Variants in ZNF462 observed in about 807,000 individuals in gnomAD.
The protein encoded by ZNF462 is zinc finger protein 462.
In ZNF462, 10 loss-of-function variants were observed where a neutral mutation model predicts 201.9. That is an observed-to-expected ratio of 0.05 (90% CI 0.03 to 0.08). ZNF462 has a LOEUF of 0.08. Among genes scored for constraint, ZNF462 ranks in the 10% least tolerant of loss-of-function variants. ZNF462 has a pLI of 1.00. For missense variants in ZNF462, 2,523 were observed against 3,168.3 expected, an observed-to-expected ratio of 0.80 and a Z score of 4.89; for synonymous variants, 1,227 against 1,193.3, an observed-to-expected ratio of 1.03 and a Z score of -0.58.
intron 1 of ZNF462, among the ~76,000 whole-genome samples, chr9:106,868,644 T>C (rs1440372071): frequency 6.6e-6 from 1 of 152,182 alleles, no homozygotes; most frequent in African/African-American, 2.4e-5. Context: ...CTCCTTCCAC[T>C]TGCATTATAC....
Position 106,885,746 on chromosome 9 carries a change from A to G in ZNF462, c.-31+22391A>G, listed in dbSNP as rs1335162736. On this transcript the variant is annotated intron_variant, in intron 1 of 12. Coordinates refer to ENST00000277225, the MANE Select transcript of ZNF462 (RefSeq NM_021224.6). This position sits in a 1 kb window ranked among gnomAD's most constrained non-coding sequence, Gnocchi z 4.1. ...CGTATGGTGCAGAGCTCATGCTACC[A>G]TCAAGACTTTAGAACAAGGACAACT... 3.3e-5 allele frequency among the ~76,000 whole-genome samples: 5 copies of G among 152,198 alleles called. No individual in the cohort carries two copies. Among genetic ancestry groups the G allele is most frequent in the African/African-American group, 1.2e-4 (5 of 41,456 alleles).
chr9:106,922,508 G>A (rs767930627), intron 1 of ZNF462, among the ~76,000 whole-genome samples: 3 of 152,168 alleles, frequency 2.0e-5, no homozygotes, highest in Non-Finnish European at 2.9e-5. Context: ...GTGGAAAAAG[G>A]TAAAGTCATG....
At chr9:106,937,015 T>TG (rs1830659559) in intron 6 of ZNF462, among the ~76,000 whole-genome samples, 1 of 152,182 alleles carries the variant, frequency 6.6e-6, no homozygotes, top group African/African-American at 2.4e-5. Context: ...AGTGACTGAG[T>TG]GGGGCTTGGC....
Position 106,924,331 on chromosome 9 carries a change from C to T in ZNF462, c.419C>T (p.Ser140Leu), listed in dbSNP as rs1830101181. Residue 140 changes from serine to leucine, a missense_variant, in exon 3 of 13, where the codon TCA becomes TTA. Ser to Leu is a moderately radical substitution (Grantham distance 145). Coordinates refer to ENST00000277225, the MANE Select transcript of ZNF462 (RefSeq NM_021224.6). The surrounding 1 kb of genome is among the most constrained non-coding windows in gnomAD (Gnocchi z 6.2). ...GGAGCTCAAGCTGAAGGGAGTTCATCAGGACCCCCTGTCCCGGGATCCTTA... is the reference window on the plus strand; with the variant it reads ...GGAGCTCAAGCTGAAGGGAGTTCATTAGGACCCCCTGTCCCGGGATCCTTA... ...VHGAQAEGSS[S>L]GPPVPGSLNY... The T allele has an allele frequency of 1.2e-6, 2 of 1,614,160 alleles. No individual in the cohort carries two copies. Among genetic ancestry groups the T allele is most frequent in the Non-Finnish European group, 1.7e-6 (2 of 1,180,040 alleles).
chr9:106,915,369 G>C (rs1225591222), intron 1 of ZNF462, among the ~76,000 whole-genome samples: 4 of 152,170 alleles, frequency 2.6e-5, no homozygotes, highest in Non-Finnish European at 4.4e-5. Context: ...GTCTACTGTT[G>C]TGTTGGTGGA....
chr9:106,951,824 C>T (rs1331867320), intron 7 of ZNF462, among the ~76,000 whole-genome samples: 1 of 151,950 alleles, frequency 6.6e-6, no homozygotes, highest in African/African-American at 2.4e-5. Context: ...TCCATGGAAC[C>T]TCTTCTCCAA....
chr9:106,861,452 G>T (rs1295541178), upstream of ZNF462, among the ~76,000 whole-genome samples: 4 of 152,168 alleles, frequency 2.6e-5, no homozygotes, highest in Admixed American at 2.6e-4. Flanking sequence ...GCCTTCACCG[G>T]ATGCGCGCTC....
rs1403670134 is a variant in ZNF462 at position 106,870,529 on chromosome 9, A to G, written c.-31+7174A>G. 2.6e-5 allele frequency among the ~76,000 whole-genome samples: 4 copies of G among 152,218 alleles called. No homozygotes were observed. The highest frequency in any genetic ancestry group is 4.4e-5 in the Non-Finnish European group (3 of 68,042). On this transcript the variant is annotated intron_variant, in intron 1 of 12. Coordinates refer to ENST00000277225, the MANE Select transcript of ZNF462 (RefSeq NM_021224.6). This position sits in a 1 kb window ranked among gnomAD's most constrained non-coding sequence, Gnocchi z 4.3. ...CAAAAAATAAATACTTGAAGATGAG[A>G]ACTGTGTAATTCAGGAAGTTATTTG... is the stretch of plus-strand genomic sequence containing the variant.
chr9:106,885,110 C>G lies in ZNF462; in HGVS notation c.-31+21755C>G, dbSNP rs1828262658. On this transcript the variant is annotated intron_variant, in intron 1 of 12. Transcript: ENST00000277225. This position sits in a 1 kb window ranked among gnomAD's most constrained non-coding sequence, Gnocchi z 4.1. Reference sequence around the variant, plus strand: ...AATAAAAAGGAAAATGGCCCTGTTGCAAAATTTGGCAGGTCAGACACTTCA... The same window carrying G: ...AATAAAAAGGAAAATGGCCCTGTTGGAAAATTTGGCAGGTCAGACACTTCA... Among the ~76,000 whole-genome samples the G allele has an allele frequency of 6.6e-6, 1 of 152,140 alleles. No individual in the cohort carries two copies. Among genetic ancestry groups the G allele is most frequent in the Non-Finnish European group, 1.5e-5 (1 of 68,020 alleles).
intron 1 of ZNF462, among the ~76,000 whole-genome samples, chr9:106,884,081 G>C (rs1828216159): frequency 6.6e-6 from 1 of 152,214 alleles, no homozygotes; most frequent in Non-Finnish European, 1.5e-5. Flanking sequence ...ATGCAGCAGT[G>C]ATTCCTAAAC....
intron 7 of ZNF462, among the ~76,000 whole-genome samples, chr9:106,943,127 CAG>C (rs1423670739): frequency 6.7e-6 from 1 of 148,792 alleles, no homozygotes; most frequent in African/African-American, 2.5e-5. Context: ...CCAGAGAAAA[CAG>C]AAAGAACACT....
Position 107,013,258 on chromosome 9 carries a change from G to A in ZNF462, c.*2228G>A, listed in dbSNP as rs1031057972. 4 of 152,044 alleles carry A rather than the reference G, an allele frequency of 2.6e-5. No homozygotes were observed. Among genetic ancestry groups the A allele is most frequent in the African/African-American group, 9.7e-5 (4 of 41,426 alleles). 9.4% of individuals were successfully genotyped at this position (152,044 alleles called of 1,614,324 possible). On this transcript the variant is annotated 3_prime_UTR_variant, in exon 13 of 13. Coordinates refer to ENST00000277225, the MANE Select transcript of ZNF462 (RefSeq NM_021224.6). ...ATGGGACCATTATCCTTTTAACAAG[G>A]CTAGAATGTCATTTTTTTCTTTTTC...
intron 1 of ZNF462, among the ~76,000 whole-genome samples, chr9:106,887,527 G>A (rs531389986): frequency 6.6e-6 from 1 of 152,284 alleles, no homozygotes; most frequent in African/African-American, 2.4e-5. Context: ...AACCTTTGAG[G>A]TTATTTTTTT....
In ZNF462 at chr9:106,917,507, A is replaced by G. The variant is rs561581945; in HGVS notation, c.-30-5847A>G. Among the ~76,000 whole-genome samples the G allele has an allele frequency of 2.0e-5, 3 of 152,332 alleles. No homozygotes were observed. The highest frequency in any genetic ancestry group is 1.9e-4 in the East Asian group (1 of 5,188). On this transcript the variant is annotated intron_variant, in intron 1 of 12. Coordinates refer to ENST00000277225, the MANE Select transcript of ZNF462 (RefSeq NM_021224.6). This position sits in a 1 kb window ranked among gnomAD's most constrained non-coding sequence, Gnocchi z 4.5. ...CTTCATCTCATGGTATTTCCCTGCT[A>G]CTATTTAACTTCAGTCTCATATTGG...
At chr9:106,959,749 C>T (rs1346545310) in intron 7 of ZNF462, among the ~76,000 whole-genome samples, 1 of 151,946 alleles carries the variant, frequency 6.6e-6, no homozygotes, top group Non-Finnish European at 1.5e-5. Context: ...AGAGACTTTA[C>T]AAAAAACATC....
At chr9:106,918,029 C>G (rs1266558321) in intron 1 of ZNF462, among the ~76,000 whole-genome samples, 1 of 151,936 alleles carries the variant, frequency 6.6e-6, no homozygotes, top group African/African-American at 2.4e-5. Flanking sequence ...GTGCCCACCA[C>G]CACACCCGGC....
rs2132699931 is a variant in ZNF462, at chr9:107,005,977, A to C, written c.7189+2551A>C. On this transcript the variant is annotated intron_variant, in intron 11 of 12. Coordinates refer to ENST00000277225, the MANE Select transcript of ZNF462 (RefSeq NM_021224.6). This position sits in a 1 kb window ranked among gnomAD's most constrained non-coding sequence, Gnocchi z 4.4. ...TTATGTGTTCTTGGCACCTTTGTTG[A>C]AAACCGATGGACTGTGAATGTGTGG... Among the ~76,000 whole-genome samples, 1 of 152,260 alleles carries C rather than the reference A, an allele frequency of 6.6e-6. No individual in the cohort carries two copies. The highest frequency in any genetic ancestry group is 1.9e-4 in the East Asian group (1 of 5,182).
chr9:106,862,626 C>G (rs895350535), upstream of ZNF462, among the ~76,000 whole-genome samples: 1 of 152,122 alleles, frequency 6.6e-6, no homozygotes, highest in African/African-American at 2.4e-5. This position sits in a 1 kb window ranked among gnomAD's most constrained non-coding sequence, Gnocchi z 4.2. Context: ...CCGCCACCTC[C>G]TCCTCTTGCA....
rs775572112 is a variant in ZNF462, at chr9:106,929,215, A to C, written c.5303A>C (p.Lys1768Thr). The change falls in exon 3 of 13, where the codon AAG (lysine) becomes ACG (threonine). Residue 1768 changes from lysine to threonine, a missense_variant. By Grantham distance (78) the Lys-to-Thr change is moderately conservative. Around this residue, in one of 15 missense-constraint regions of ZNF462, gnomAD observed 207 missense variants for 231.6 expected, o/e 0.89. Coordinates refer to ENST00000277225, the MANE Select transcript of ZNF462 (RefSeq NM_021224.6). The surrounding 1 kb of genome is among the most constrained non-coding windows in gnomAD (Gnocchi z 8.7). ...EELRRAVEKK[K>T]CSLCSFQSFS... Reference sequence around the variant, plus strand: ...CTCCGGCGGGCAGTGGAGAAGAAAAAGTGCTCCTTGTGCTCTTTCCAGTCG... The same window carrying C: ...CTCCGGCGGGCAGTGGAGAAGAAAACGTGCTCCTTGTGCTCTTTCCAGTCG... 2 of 1,614,136 alleles carry C rather than the reference A, an allele frequency of 1.2e-6. No individual in the cohort carries two copies. The highest frequency in any genetic ancestry group is 1.7e-6 in the Non-Finnish European group (2 of 1,180,034).
Sources: gnomAD v4.1 joint callset for allele counts (sites outside exome capture counted in the v4.1 genomes callset) on GRCh38, gnomAD v4.1.1 for gene constraint, gnomAD v4.1.1 regional missense constraint, Gnocchi (gnomAD v3.1) non-coding constraint, MANE v1.5 for transcripts, NCBI Gene and HGNC (gene_info 2026-07-23, HGNC 2026-07-21) for gene names.